The following ADPGK variants were observed in gnomAD, a reference collection of about 807,000 sequenced individuals.
ADPGK encodes the protein ADP dependent glucokinase.
ADPGK carries 26 observed loss-of-function variants against 42.4 expected under a neutral mutation model. The observed-to-expected ratio is 0.61, with a 90% CI of 0.45 to 0.85. The LOEUF is 0.85. ADPGK is among the 40% of genes least tolerant of loss of function. The probability of loss-of-function intolerance (pLI) is 0.00; values close to 1 mark genes in which losing one functional copy is unlikely to be tolerated. For missense variants in ADPGK, 571 were observed against 627.0 expected (o/e 0.91, Z 0.95); for synonymous variants, 267 against 252.6 (o/e 1.06, Z -0.54).
At position 72,762,535 on chromosome 15, in the gene ADPGK, C is replaced by A. The variant is rs145749783; in HGVS notation, c.523-2008G>T. 3.9e-5 allele frequency among the ~76,000 whole-genome samples: 6 copies of A among 152,342 alleles called. No homozygotes were observed. The East Asian group carries it at 9.6e-4, about 24-fold the overall frequency. On this transcript the variant is annotated intron_variant, in intron 3 of 6. Coordinates refer to ENST00000456471, the MANE Select transcript of ADPGK (RefSeq NM_001365225.1). ...ACCACTTTACTTCCTTTCTCTAATTCTTGGCTAGTGCTTCACTTCCAAGAT... is the reference window on the plus strand; with the variant it reads ...ACCACTTTACTTCCTTTCTCTAATTATTGGCTAGTGCTTCACTTCCAAGAT...
chr15:72,779,249 T>TTG (rs1429763881), intron 1 of ADPGK, among the ~76,000 whole-genome samples: 10 of 147,446 alleles, frequency 6.8e-5, no homozygotes, highest in African/African-American at 2.5e-4. Flanking sequence ...TGAGGGTTTT[T>TTG]TTTTTTTTTT....
At chr15:72,779,543 C>T (rs1335744441) in intron 1 of ADPGK, among the ~76,000 whole-genome samples, 2 of 152,088 alleles carry the variant, frequency 1.3e-5, no homozygotes, top group Non-Finnish European at 2.9e-5. Flanking sequence ...CCATGCCTGC[C>T]GGGTTTCATC....
intron 1 of ADPGK, among the ~76,000 whole-genome samples, chr15:72,776,851 C>G (rs1246259475): frequency 6.6e-6 from 1 of 152,150 alleles, no homozygotes; most frequent in African/African-American, 2.4e-5. Context: ...GTTTCTTGTT[C>G]AAGACACACA....
At position 72,775,059 on chromosome 15, in the gene ADPGK, T is replaced by C; in HGVS notation, c.272A>G (p.Lys91Arg). ...ACVDVVLSGV[K>R]LLQALGLSPG... is the part of the protein sequence containing the mutation. ...ACTAAGGCCAAGTGCCTGCAAGAGC[T>C]TCACCCCTGAGAGCACCACATCAAC... The change falls in exon 2 of 7, where the codon AAG becomes AGG. Residue 91 changes from lysine to arginine, a missense_variant. Transcript: ENST00000456471. 6.2e-7 allele frequency: 1 copy of C among 1,614,066 alleles called. No individual in the cohort carries two copies. Among genetic ancestry groups the C allele is most frequent in the African/African-American group, 1.3e-5 (1 of 74,998 alleles).
intron 3 of ADPGK, among the ~76,000 whole-genome samples, chr15:72,762,512 CA>C (rs2066207776): frequency 6.6e-6 from 1 of 152,210 alleles, no homozygotes. Flanking sequence ...TTGCCCCAAC[CA>C]CTTTACTTCC....
intron 2 of ADPGK, among the ~76,000 whole-genome samples, chr15:72,774,057 G>T (rs2066359886): frequency 6.6e-6 from 1 of 152,056 alleles, no homozygotes; most frequent in African/African-American, 2.4e-5. Context: ...TGCCCAGGCT[G>T]GTCTCAAACT....
chr15:72,778,562 A>G (rs764573506), intron 1 of ADPGK, among the ~76,000 whole-genome samples: 2 of 152,132 alleles, frequency 1.3e-5, no homozygotes, highest in Non-Finnish European at 2.9e-5. Flanking sequence ...AAACAACTAG[A>G]AAATAGGTCA....
chr15:72,783,384 T>C, intron 1 of ADPGK, 75 bp downstream of exon 1: 1 of 1,310,534 alleles, frequency 7.6e-7, no homozygotes, highest in Non-Finnish European at 9.7e-7. Context: ...TGAGAAGCCC[T>C]GTTTCTGCGC....
intron 1 of ADPGK, 32 bp from the exon 2 acceptor site, chr15:72,775,129 G>C (rs372253166): frequency 1.3e-6 from 2 of 1,578,432 alleles, no homozygotes; most frequent in African/African-American, 2.7e-5. Context: ...TGTGAAAGCA[G>C]CAGAAGCACC....
intron 2 of ADPGK, among the ~76,000 whole-genome samples, chr15:72,774,550 G>A (rs1007539862): frequency 9.2e-5 from 14 of 152,142 alleles, no homozygotes; most frequent in Admixed American, 9.2e-4. Flanking sequence ...CAGACCAGTG[G>A]TTCTCAAAAG....
At chr15:72,778,355 G>T (rs576523856) in intron 1 of ADPGK, among the ~76,000 whole-genome samples, 1 of 152,204 alleles carries the variant, frequency 6.6e-6, no homozygotes, top group Non-Finnish European at 1.5e-5. Flanking sequence ...ATCTTTCTCT[G>T]CACTTTCTCA....
At position 72,752,547 on chromosome 15, in the gene ADPGK, G is replaced by T; in HGVS notation, c.1288C>A (p.Pro430Thr). 1.2e-6 allele frequency: 2 copies of T among 1,614,182 alleles called. No individual in the cohort carries two copies. Among genetic ancestry groups the T allele is most frequent in the Non-Finnish European group, 1.7e-6 (2 of 1,180,042 alleles). Residue 430 changes from proline (P) to threonine (T), a missense_variant, in exon 7 of 7, where the codon CCC (proline) becomes ACC (threonine). Transcript: ENST00000456471. Reference sequence around the variant, plus strand: ...GAATGGGAAGTCATGAACTCTTGGGGTGCCCTCAGAGACACTCGGCTGGTG... The same window carrying T: ...GAATGGGAAGTCATGAACTCTTGGGTTGCCCTCAGAGACACTCGGCTGGTG... ...IDTSRVSLRA[P>T]QEFMTSHSEA...
intron 3 of ADPGK, 42 bp downstream of exon 3, chr15:72,771,741 A>G: frequency 1.3e-6 from 2 of 1,552,496 alleles, no homozygotes. Context: ...TTATTGAAAC[A>G]CTAGGGAAAG....
intron 1 of ADPGK, among the ~76,000 whole-genome samples, chr15:72,778,586 T>G (rs1269603053): frequency 6.6e-6 from 1 of 152,132 alleles, no homozygotes; most frequent in Non-Finnish European, 1.5e-5. Flanking sequence ...CAACAGATGC[T>G]GAATGTCAAA....
chr15:72,752,678 T>G lies in ADPGK; in HGVS notation c.1157A>C (p.Tyr386Ser). ...TCCATCCACAGTTGCCAGGATGTGG[T>G]AGACCAGCGTGTGGAAATGGATCCT... The part of the protein sequence containing the change: ...LTRIHFHTLV[Y>S]HILATVDGHW... The change falls in exon 7 of 7, where the codon TAC becomes TCC. Residue 386 changes from tyrosine to serine, a missense_variant. Tyr to Ser is a moderately radical substitution (Grantham distance 144). This residue lies in a region of ADPGK where 434 missense variants were observed against 522.7 expected (regional missense o/e 0.83). Coordinates refer to ENST00000456471, the MANE Select transcript of ADPGK (RefSeq NM_001365225.1). 1 of 1,614,168 alleles carries G rather than the reference T, an allele frequency of 6.2e-7. No homozygotes were observed. The highest frequency in any genetic ancestry group is 1.1e-5 in the South Asian group (1 of 91,070).
chr15:72,783,441 G>T lies in ADPGK; in HGVS notation c.233+18C>A. The T allele has an allele frequency of 7.4e-7, 1 of 1,345,886 alleles. No homozygotes were observed. Among genetic ancestry groups the T allele is most frequent in the South Asian group, 1.8e-5 (1 of 54,258 alleles). The allele number at this position is 1,345,886 out of a possible 1,614,324, so 83.4% of individuals were successfully genotyped here. ...CCGACCTCGGAGGCTCAGAGACCCA[G>T]GCCCCGTTGGCACTCACCCCACTGC... On this transcript the variant is annotated intron_variant, in intron 1 of 6. Transcript: ENST00000456471.
chr15:72,752,478 C>G lies in ADPGK; in HGVS notation c.1357G>C (p.Val453Leu). 6.2e-7 allele frequency: 1 copy of G among 1,614,212 alleles called. No individual in the cohort carries two copies. Among genetic ancestry groups the G allele is most frequent in the Non-Finnish European group, 8.5e-7 (1 of 1,180,042 alleles). ...GATATTCCCTCTCTGTGCCATTCTA[C>G]TACTGGCTTGTTTGGGTTTAATACA... is the stretch of plus-strand genomic sequence containing the variant. ...RIVLNPNKPVVEWHREGISFH... is the reference protein window; with the variant it reads ...RIVLNPNKPVLEWHREGISFH... The change falls in exon 7 of 7, where the codon GTA (valine) becomes CTA (leucine). Residue 453 changes from valine to leucine, a missense_variant. By Grantham distance (32) the Val-to-Leu change is conservative. Coordinates refer to ENST00000456471, the MANE Select transcript of ADPGK (RefSeq NM_001365225.1).
chr15:72,775,868 T>C (rs1425583553), intron 1 of ADPGK, among the ~76,000 whole-genome samples: 3 of 110,268 alleles, frequency 2.7e-5, no homozygotes, highest in Non-Finnish European at 5.6e-5. Flanking sequence ...ATCCCTTATC[T>C]GAAGTGCTTG....
At chr15:72,775,122 G>GA in intron 1 of ADPGK, 25 bp from the exon 2 acceptor site, 1 of 1,588,024 alleles carries the variant, frequency 6.3e-7, no homozygotes, top group East Asian at 2.2e-5. Flanking sequence ...AAAACTGTGT[G>GA]AAAGCAGCAG....
Sources: allele counts gnomAD v4.1 joint callset (sites outside exome capture counted in the v4.1 genomes callset), GRCh38; gene constraint gnomAD v4.1.1; regional missense constraint gnomAD v4.1.1; transcripts MANE v1.5; gene names NCBI Gene and HGNC (gene_info 2026-07-23, HGNC 2026-07-21).